The following DDX20 variants were observed in gnomAD, a reference collection of about 807,000 sequenced individuals.
DDX20 encodes probable ATP-dependent RNA helicase DDX20.
Under a neutral mutation model 76.4 loss-of-function variants are expected in DDX20, and 61 were observed. The observed-to-expected ratio is 0.80, with a 90% CI of 0.65 to 0.99. DDX20 has a LOEUF of 0.99. Ranked by LOEUF, DDX20 falls within the 50% of genes least tolerant of loss-of-function variation. The pLI is 0.00. For missense variants in DDX20, 976 were observed against 996.8 expected (o/e 0.98, Z 0.28); for synonymous variants, 357 against 357.4 (o/e 1.00, Z 0.01).
Position 111,756,160 on chromosome 1 carries a change from C to A in DDX20, c.236C>A (p.Ala79Glu). 2 of 1,550,982 alleles carry A rather than the reference C, an allele frequency of 1.3e-6. No homozygotes were observed. The highest frequency in any genetic ancestry group is 1.7e-6 in the Non-Finnish European group (2 of 1,156,300). Residue 79 changes from alanine (A) to glutamate (E), a missense_variant, in exon 1 of 11, where the codon GCG becomes GAG. By Grantham distance (107) the Ala-to-Glu change is moderately radical. This residue lies in a region of DDX20 where 343 missense variants were observed against 286.4 expected (regional missense o/e 1.20). Coordinates refer to ENST00000369702, the MANE Select transcript of DDX20 (RefSeq NM_007204.5). ...LSRPVLEGLR[A>E]AGFERPSPVQ... ...CGGCCGGTGCTGGAGGGGCTGCGGG[C>A]GGCCGGCTTCGAGAGGCCCTCGCCG...
chr1:111,762,275 C>T lies in DDX20; in HGVS notation c.1042C>T (p.Arg348Cys), dbSNP rs1663689646. ...CISGNMNQNQ[R>C]LDAMAKLKHF... is the part of the protein sequence containing the mutation. ...TTTAGGCAATATGAATCAGAATCAG[C>T]GTCTTGATGCTATGGCTAAACTGAA... is the stretch of plus-strand genomic sequence containing the variant. Residue 348 changes from arginine to cysteine, a missense_variant, in exon 8 of 11, where the codon CGT becomes TGT. Coordinates refer to ENST00000369702, the MANE Select transcript of DDX20 (RefSeq NM_007204.5). The T allele has an allele frequency of 3.7e-6, 6 of 1,612,844 alleles. No individual in the cohort carries two copies. Among genetic ancestry groups the T allele is most frequent in the South Asian group, 1.1e-5 (1 of 90,798 alleles).
rs766767958 is a variant in DDX20, at chr1:111,766,612, A to G, written c.2188A>G (p.Arg730Gly). Reference protein sequence around the residue: ...KTRLKEGASQRAKQSRRNLPR... With the variant: ...KTRLKEGASQGAKQSRRNLPR... ...AAGACTTAAAGAGGGGGCTAGCCAG[A>G]GAGCTAAGCAGAGCCGGAGAAACCT... The change falls in exon 11 of 11, where the codon AGA (arginine) becomes GGA (glycine). Residue 730 changes from arginine to glycine, a missense_variant. Transcript: ENST00000369702. 6.2e-6 allele frequency: 10 copies of G among 1,614,084 alleles called. No homozygotes were observed. In the South Asian group the frequency reaches 7.7e-5, roughly 12 times the overall value.
In DDX20 at chr1:111,756,673, C is replaced by G; in HGVS notation, c.329C>G (p.Thr110Ser). ...LDLIVQAKSG[T>S]GKTCVFSTIA... ...TTAATTGTTCAAGCTAAATCTGGCA[C>G]CGGGAAAACCTGTGTGTTCTCCACC... is the stretch of plus-strand genomic sequence containing the variant. The change falls in exon 2 of 11, where the codon ACC becomes AGC. Residue 110 changes from threonine (T) to serine (S), a missense_variant. Around this residue, in one of 3 missense-constraint regions of DDX20, gnomAD observed 343 missense variants for 286.4 expected, o/e 1.20. Coordinates refer to ENST00000369702, the MANE Select transcript of DDX20 (RefSeq NM_007204.5). 1 of 1,614,100 alleles carries G rather than the reference C, an allele frequency of 6.2e-7. No individual in the cohort carries two copies. The highest frequency in any genetic ancestry group is 8.5e-7 in the Non-Finnish European group (1 of 1,180,012).
At chr1:111,765,588 A>G (rs1663762100) in intron 10 of DDX20, 149 bp from the exon 11 acceptor site, 1 of 679,060 alleles carries the variant, frequency 1.5e-6, no homozygotes, top group Non-Finnish European at 2.3e-6. Flanking sequence ...TTCAGTCTTT[A>G]AAAATGTTAT....
intron 2 of DDX20, among the ~76,000 whole-genome samples, chr1:111,757,921 C>G (rs1663593819): frequency 6.6e-6 from 1 of 151,976 alleles, no homozygotes; most frequent in Non-Finnish European, 1.5e-5. Context: ...GTGGCACAAT[C>G]TTGGCTCACT....
chr1:111,762,015 A>G, intron 7 of DDX20: 1 of 368,314 alleles, frequency 2.7e-6, no homozygotes, highest in Admixed American at 4.4e-5. Context: ...TTATATATTC[A>G]GGCATGGCCT....
chr1:111,757,980 G>T (rs1206471273), intron 2 of DDX20, among the ~76,000 whole-genome samples: 2 of 152,004 alleles, frequency 1.3e-5, no homozygotes, highest in African/African-American at 4.8e-5. Flanking sequence ...TCAGCCTCCC[G>T]AGTAGCTGGG....
Position 111,762,991 on chromosome 1 carries a change from C to G in DDX20, c.1296C>G (p.Asn432Lys). 1 of 1,611,882 alleles carries G rather than the reference C, an allele frequency of 6.2e-7. No homozygotes were observed. Among genetic ancestry groups the G allele is most frequent in the Non-Finnish European group, 8.5e-7 (1 of 1,178,084 alleles). The change falls in exon 10 of 11, where the codon AAC becomes AAG. Residue 432 changes from asparagine to lysine, a missense_variant. Physicochemically the swap from Asn to Lys is moderately conservative, Grantham distance 94. Around this residue, in one of 3 missense-constraint regions of DDX20, gnomAD observed 630 missense variants for 693.7 expected, o/e 0.91. Coordinates refer to ENST00000369702, the MANE Select transcript of DDX20 (RefSeq NM_007204.5). The part of the protein sequence containing the change: ...MMRIAQKCNI[N>K]LLPLPDPIPS... ...GAATTGCCCAGAAATGTAATATCAA[C>G]CTTCTCCCTTTACCAGGTACATTTC...
At chr1:111,763,957 T>C (rs1390960826) in intron 10 of DDX20, among the ~76,000 whole-genome samples, 2 of 152,158 alleles carry the variant, frequency 1.3e-5, no homozygotes, top group African/African-American at 4.8e-5. Flanking sequence ...ATGTGCACTA[T>C]AAATAGTGTC....
intron 2 of DDX20, among the ~76,000 whole-genome samples, chr1:111,757,109 A>C (rs1263521372): frequency 6.6e-6 from 1 of 151,122 alleles, no homozygotes; most frequent in Admixed American, 6.6e-5. Flanking sequence ...GCTGGAGTGC[A>C]GTGGCGGATC....
intron 1 of DDX20, 41 bp downstream of exon 1, chr1:111,756,266 G>GGGGCAC: frequency 3.6e-6 from 3 of 842,536 alleles, no homozygotes; most frequent in South Asian, 2.0e-5. Flanking sequence ...GGTGGGGTGG[G>GGGGCAC]AGAAGGGGGA....
At chr1:111,756,867 G>C (rs1663569736) in intron 2 of DDX20, 127 bp downstream of exon 2, 1 of 742,364 alleles carries the variant, frequency 1.3e-6, no homozygotes, top group Non-Finnish European at 2.3e-6. Context: ...TGGTGGTGGT[G>C]GCGAAATTTG....
chr1:111,762,780 T>C lies in DDX20; in HGVS notation c.1208T>C (p.Phe403Ser), dbSNP rs776592921. 14 of 1,607,446 alleles carry C rather than the reference T, an allele frequency of 8.7e-6. No homozygotes were observed. The highest frequency in any genetic ancestry group is 1.4e-5 in the African/African-American group (1 of 73,050). ...YMHRIGRAGR[F>S]GTLGLTVTYC... is the part of the protein sequence containing the mutation. ...CATCGGATTGGGAGAGCTGGCCGTT[T>C]TGGTAAAAAAAAAAAAAAAAGTTTG... Residue 403 changes from phenylalanine (F) to serine (S), a missense_variant and splice_region_variant, in exon 9 of 11, where the codon TTT becomes TCT. Around this residue, in one of 3 missense-constraint regions of DDX20, gnomAD observed 630 missense variants for 693.7 expected, o/e 0.91. Transcript: ENST00000369702.
Position 111,759,504 on chromosome 1 carries a change from A to AG in DDX20, c.504dup (p.Thr169AspfsTer11). ...GCTTAGAGTGTCATGTCTTTATTGG[A>AG]GGGACCCCATTATCACAAGACAAAA... On this transcript the variant is annotated frameshift_variant, in exon 3 of 11. Coordinates refer to ENST00000369702, the MANE Select transcript of DDX20 (RefSeq NM_007204.5). LOFTEE classifies it high-confidence loss of function. 1 of 1,613,922 alleles carries AG rather than the reference A, an allele frequency of 6.2e-7. No individual in the cohort carries two copies. The highest frequency in any genetic ancestry group is 8.5e-7 in the Non-Finnish European group (1 of 1,179,910).
At chr1:111,765,661 T>C (rs1486607238) in intron 10 of DDX20, 76 bp from the exon 11 acceptor site, 2 of 1,263,808 alleles carry the variant, frequency 1.6e-6, no homozygotes. Context: ...CATAGAAAAC[T>C]TTATGAAATC....
Position 111,766,370 on chromosome 1 carries a change from C to G in DDX20, c.1946C>G (p.Ser649Cys). The G allele has an allele frequency of 6.2e-7, 1 of 1,614,142 alleles. No homozygotes were observed. Among genetic ancestry groups the G allele is most frequent in the Non-Finnish European group, 8.5e-7 (1 of 1,180,022 alleles). ...RVPVLASSSQ[S>C]GDSESDSDSY... ...CCTGTGTTGGCAAGTAGTAGCCAAT[C>G]TGGAGACTCTGAGAGTGACAGTGAT... Residue 649 changes from serine (S) to cysteine (C), a missense_variant, in exon 11 of 11, where the codon TCT (serine) becomes TGT (cysteine). Ser to Cys is a moderately radical substitution (Grantham distance 112). This residue lies in a region of DDX20 where 630 missense variants were observed against 693.7 expected (regional missense o/e 0.91). Coordinates refer to ENST00000369702, the MANE Select transcript of DDX20 (RefSeq NM_007204.5).
intron 10 of DDX20, among the ~76,000 whole-genome samples, chr1:111,764,600 C>T (rs75938256): frequency 0.014 from 2,072 of 152,132 alleles, 140 homozygotes; most frequent in Admixed American, 0.11. Flanking sequence ...TAAGTCTATT[C>T]GTAGTCTGAT....
chr1:111,764,208 G>T (rs1052426652), intron 10 of DDX20, among the ~76,000 whole-genome samples: 2 of 152,016 alleles, frequency 1.3e-5, no homozygotes, highest in African/African-American at 4.8e-5. Context: ...GCATGAACCT[G>T]GGAGGTGGAG....
intron 2 of DDX20, among the ~76,000 whole-genome samples, chr1:111,757,595 C>T (rs1663587699): frequency 6.6e-6 from 1 of 152,174 alleles, no homozygotes; most frequent in South Asian, 2.1e-4. Context: ...TTATGGCAGA[C>T]TGTATTTCAA....
Sources: allele counts gnomAD v4.1 joint callset (sites outside exome capture counted in the v4.1 genomes callset), GRCh38; gene constraint gnomAD v4.1.1; regional missense constraint gnomAD v4.1.1; transcripts MANE v1.5; gene names NCBI Gene and HGNC (gene_info 2026-07-23, HGNC 2026-07-21).